MMP26: variants seen among roughly 807,000 people sequenced by gnomAD.
MMP26 encodes matrix metallopeptidase 26, also known as matrix metalloproteinase-26.
In MMP26, 33 loss-of-function variants were observed where a neutral mutation model predicts 31.0. The observed-to-expected ratio is 1.06, with a 90% CI of 0.81 to 1.42. The LOEUF (loss-of-function observed/expected upper bound fraction) is 1.42. MMP26 is among the 40% of genes most tolerant of loss of function. The pLI is 0.00. For synonymous variants in MMP26, 122 were observed against 114.9 expected (o/e 1.06, Z -0.40); for missense variants, 347 against 316.1 (o/e 1.10, Z -0.74).
chr11:4,936,175 T>A (rs1466054318), intron 2 of MMP26, among the ~76,000 whole-genome samples: 1 of 148,866 alleles, frequency 6.7e-6, no homozygotes, highest in Non-Finnish European at 1.5e-5. Context: ...CTTGTACCTC[T>A]GGTAGAATTC....
At position 4,991,469 on chromosome 11, in the gene MMP26, A is replaced by G. The variant is rs1264584894; in HGVS notation, c.568A>G (p.Asn190Asp). 6.2e-7 allele frequency: 1 copy of G among 1,613,980 alleles called. No individual in the cohort carries two copies. The change falls in exon 6 of 8, where the codon AAT (asparagine) becomes GAT (aspartate). Residue 190 changes from asparagine (N) to aspartate (D), a missense_variant. By Grantham distance (23) the Asn-to-Asp change is conservative (BLOSUM62 1). Coordinates refer to ENST00000380390, the MANE Select transcript of MMP26 (RefSeq NM_021801.5). ...GNPGVVHFDK[N>D]EHWSASDTGY... ...TCCTGGAGTTGTCCATTTTGACAAG[A>G]ATGAACACTGGTCAGCTTCAGACAC...
intron 2 of MMP26, among the ~76,000 whole-genome samples, chr11:4,910,649 A>T (rs906724350): frequency 6.6e-6 from 1 of 152,176 alleles, no homozygotes; most frequent in Non-Finnish European, 1.5e-5. Context: ...ATTTAAAATA[A>T]ATATGAGCCT....
At chr11:4,796,303 A>C (rs1227364483) in intron 2 of MMP26, among the ~76,000 whole-genome samples, 1 of 152,232 alleles carries the variant, frequency 6.6e-6, no homozygotes, top group Non-Finnish European at 1.5e-5. Context: ...ACAATACAGA[A>C]TAAACATTAC....
intron 2 of MMP26, among the ~76,000 whole-genome samples, chr11:4,965,834 C>A (rs1189093302): frequency 1.3e-5 from 2 of 152,152 alleles, no homozygotes; most frequent in African/African-American, 4.8e-5. Flanking sequence ...GTGGAAGCAT[C>A]CATTCCTATA....
chr11:4,966,804 G>C (rs1293214545), intron 2 of MMP26, among the ~76,000 whole-genome samples: 2 of 152,122 alleles, frequency 1.3e-5, no homozygotes, highest in Admixed American at 6.5e-5. Context: ...TTTGCTGGAT[G>C]GTGCAAGCTG....
At chr11:4,823,517 T>G (rs962797111) in intron 2 of MMP26, among the ~76,000 whole-genome samples, 1 of 152,154 alleles carries the variant, frequency 6.6e-6, no homozygotes. Flanking sequence ...AATTTTTGGT[T>G]AGCATCAACT....
intron 1 of MMP26, among the ~76,000 whole-genome samples, chr11:4,717,801 A>G (rs1199739380): frequency 1.3e-5 from 2 of 152,220 alleles, no homozygotes; most frequent in Non-Finnish European, 1.5e-5. Context: ...GTAACTCATC[A>G]TGTGGTAACC....
intron 2 of MMP26, among the ~76,000 whole-genome samples, chr11:4,942,251 T>C (rs1012575287): frequency 5.3e-5 from 8 of 152,040 alleles, no homozygotes; most frequent in African/African-American, 1.9e-4. Context: ...AAAGTTTTAA[T>C]TTTCTTTTTC....
chr11:4,848,501 C>T lies in MMP26; in HGVS notation c.-145+81160C>T. Reference sequence around the variant, plus strand: ...CAGCCTTCCAGCGATCCTCTCTGGACTCCACACCTTGCAACACCTTGCCAA... The same window carrying T: ...CAGCCTTCCAGCGATCCTCTCTGGATTCCACACCTTGCAACACCTTGCCAA... On this transcript the variant is annotated intron_variant, in intron 2 of 7. Coordinates refer to ENST00000380390, the MANE Select transcript of MMP26 (RefSeq NM_021801.5). 4 of 1,613,714 alleles carry T rather than the reference C, an allele frequency of 2.5e-6. No homozygotes were observed. In the Middle Eastern group the frequency reaches 5.0e-4, roughly 200 times the overall value.
intron 2 of MMP26, among the ~76,000 whole-genome samples, chr11:4,778,184 G>A (rs776459959): frequency 1.3e-5 from 2 of 152,022 alleles, no homozygotes; most frequent in Non-Finnish European, 2.9e-5. Flanking sequence ...CTTCATTGGA[G>A]TTTTAATTTT....
chr11:4,829,849 CAT>C (rs1564789828), intron 2 of MMP26, among the ~76,000 whole-genome samples: 1 of 152,150 alleles, frequency 6.6e-6, no homozygotes, highest in Non-Finnish European at 1.5e-5. Context: ...CCTTTTAAGA[CAT>C]ACACTGAATC....
At chr11:4,955,932 AT>A (rs1846437330) in intron 2 of MMP26, among the ~76,000 whole-genome samples, 1 of 152,238 alleles carries the variant, frequency 6.6e-6, no homozygotes, top group East Asian at 1.9e-4. Context: ...GAATCTGTCT[AT>A]TAATGCATTG....
intron 2 of MMP26, among the ~76,000 whole-genome samples, chr11:4,805,028 A>C (rs1028825364): frequency 6.6e-6 from 1 of 152,100 alleles, no homozygotes; most frequent in African/African-American, 2.4e-5. Flanking sequence ...CTAAGGGAAA[A>C]TCATCATGAC....
At chr11:4,861,821 C>T (rs894169912) in intron 2 of MMP26, among the ~76,000 whole-genome samples, 1 of 152,050 alleles carries the variant, frequency 6.6e-6, no homozygotes, top group Admixed American at 6.6e-5. Context: ...TTTTTTAAAA[C>T]AAATATAAAT....
chr11:4,934,587 C>A (rs1362338789), intron 2 of MMP26, among the ~76,000 whole-genome samples: 2 of 145,786 alleles, frequency 1.4e-5, no homozygotes, highest in Admixed American at 1.4e-4. Flanking sequence ...TAATTAGATC[C>A]CATTTGTCAA....
At chr11:4,853,022 A>G (rs528821385) in intron 2 of MMP26, among the ~76,000 whole-genome samples, 1 of 152,224 alleles carries the variant, frequency 6.6e-6, no homozygotes, top group Admixed American at 6.5e-5. Flanking sequence ...GAAACAGAAC[A>G]GAAGGGTGAT....
intron 2 of MMP26, chr11:4,972,918 A>T (rs1846684380): frequency 6.6e-6 from 1 of 152,188 alleles, no homozygotes; most frequent in African/African-American, 2.4e-5. Context: ...CTTTGGGTTA[A>T]GCATCATGTG....
intron 2 of MMP26, among the ~76,000 whole-genome samples, chr11:4,904,933 C>T (rs547960221): frequency 1.3e-5 from 2 of 152,120 alleles, no homozygotes; most frequent in South Asian, 2.1e-4. Flanking sequence ...AGTCAATGTG[C>T]ATGGTAGTAA....
At chr11:4,776,049 C>T (rs1848787433) in intron 2 of MMP26, among the ~76,000 whole-genome samples, 1 of 152,142 alleles carries the variant, frequency 6.6e-6, no homozygotes, top group African/African-American at 2.4e-5. Flanking sequence ...ACACCCAGTA[C>T]TTGACTTTAT....
Sources: gnomAD v4.1 joint callset for allele counts (sites outside exome capture counted in the v4.1 genomes callset) on GRCh38, gnomAD v4.1.1 for gene constraint, MANE v1.5 for transcripts, NCBI Gene and HGNC (gene_info 2026-07-23, HGNC 2026-07-21) for gene names.